Variants in SETBP1 observed in about 807,000 individuals in gnomAD.
The protein encoded by SETBP1 is SET-binding protein.
SETBP1 carries 9 observed loss-of-function variants against 101.0 expected under a neutral mutation model. That is an observed-to-expected ratio of 0.09 (90% CI 0.05 to 0.16). The LOEUF (loss-of-function observed/expected upper bound fraction) is 0.16, where lower values mean the gene tolerates loss of function less well. Ranked by LOEUF, SETBP1 falls within the 10% of genes least tolerant of loss-of-function variation. The probability of loss-of-function intolerance (pLI) is 1.00; values close to 1 mark genes in which losing one functional copy is unlikely to be tolerated. For missense variants in SETBP1, 1,858 were observed against 2,033.8 expected, an observed-to-expected ratio of 0.91 and a Z score of 1.66; for synonymous variants, 818 against 788.5, an observed-to-expected ratio of 1.04 and a Z score of -0.63.
chr18:44,734,768 G>A (rs1043330982), intron 2 of SETBP1, among the ~76,000 whole-genome samples: 1 of 152,090 alleles, frequency 6.6e-6, no homozygotes, highest in African/African-American at 2.4e-5. Context: ...TCCCTCCATT[G>A]TTACGTTTCT....
chr18:44,967,192 C>T lies in SETBP1; in HGVS notation c.4000+13852C>T, dbSNP rs188918023. Among the ~76,000 whole-genome samples, 13 of 152,228 alleles carry T rather than the reference C, an allele frequency of 8.5e-5. No individual in the cohort carries two copies. In the East Asian group the frequency reaches 2.3e-3, roughly 27 times the overall value. ...TGAAGATAAGGTGTCAGGATTATAC[C>T]GTTATGGTGGATAAGTAACAAAATA... is the stretch of plus-strand genomic sequence containing the variant. On this transcript the variant is annotated intron_variant, in intron 4 of 5. Transcript: ENST00000649279.
At chr18:44,959,955 A>G (rs2071574726) in intron 4 of SETBP1, among the ~76,000 whole-genome samples, 1 of 152,200 alleles carries the variant, frequency 6.6e-6, no homozygotes, top group South Asian at 2.1e-4. Context: ...TCCATCACCC[A>G]GGCTAGACTG....
At chr18:44,850,224 A>G (rs892167788) in intron 2 of SETBP1, among the ~76,000 whole-genome samples, 6 of 152,208 alleles carry the variant, frequency 3.9e-5, no homozygotes, top group African/African-American at 1.4e-4. Context: ...TTAAAAATGC[A>G]TACAACTCAC....
intron 2 of SETBP1, among the ~76,000 whole-genome samples, chr18:44,852,426 G>C (rs956924907): frequency 1.3e-5 from 2 of 152,148 alleles, no homozygotes; most frequent in Non-Finnish European, 2.9e-5. Flanking sequence ...CATGAAGCTG[G>C]GTGTGCAGCC....
At position 45,068,088 on chromosome 18, in the gene SETBP1, A is replaced by G. The variant is rs1012945301; in HGVS notation, c.*4390A>G. Reference sequence around the variant, plus strand: ...GCTGGCTAATTTTTAGTTTGTATTCATAAGTGGTTTTTAAAAGCCTTTTTT... The same window carrying G: ...GCTGGCTAATTTTTAGTTTGTATTCGTAAGTGGTTTTTAAAAGCCTTTTTT... On this transcript the variant is annotated 3_prime_UTR_variant, in exon 6 of 6. Coordinates refer to ENST00000649279, the MANE Select transcript of SETBP1 (RefSeq NM_015559.3). The G allele has an allele frequency of 6.6e-6, 1 of 152,214 alleles. No homozygotes were observed. Among genetic ancestry groups the G allele is most frequent in the Non-Finnish European group, 1.5e-5 (1 of 68,034 alleles). The allele number at this position is 152,214 out of a possible 1,614,324, so 9.4% of individuals were successfully genotyped here. A position where few individuals can be genotyped will look rare whatever the true frequency, so the allele number is the denominator to read the frequency against.
At chr18:44,910,101 G>A (rs764935240) in intron 3 of SETBP1, among the ~76,000 whole-genome samples, 16 of 152,312 alleles carry the variant, frequency 1.1e-4, no homozygotes, top group Non-Finnish European at 1.6e-4. Context: ...ACTGCCCGCC[G>A]TCTGGGTTAC....
chr18:44,823,600 C>T (rs1181587531), intron 2 of SETBP1, among the ~76,000 whole-genome samples: 2 of 152,192 alleles, frequency 1.3e-5, no homozygotes, highest in African/African-American at 2.4e-5. Context: ...TATTCTAGAA[C>T]AGGACTTATG....
At chr18:45,019,475 T>C (rs961259352) in intron 4 of SETBP1, among the ~76,000 whole-genome samples, 1 of 152,234 alleles carries the variant, frequency 6.6e-6, no homozygotes, top group East Asian at 1.9e-4. Flanking sequence ...GTAATTTTTT[T>C]AAATCTCTTT....
intron 3 of SETBP1, among the ~76,000 whole-genome samples, chr18:44,892,775 G>A (rs1487557771): frequency 6.6e-6 from 1 of 152,070 alleles, no homozygotes; most frequent in East Asian, 1.9e-4. Context: ...CCATTTGAAA[G>A]CAGTTATCAG....
At chr18:44,938,854 T>C (rs1340418367) in intron 3 of SETBP1, among the ~76,000 whole-genome samples, 2 of 151,516 alleles carry the variant, frequency 1.3e-5, no homozygotes, top group African/African-American at 4.9e-5. Context: ...GAGGGGAGAG[T>C]GAGGATCTGG....
chr18:45,018,951 C>T (rs1308203728), intron 4 of SETBP1, among the ~76,000 whole-genome samples: 1 of 152,166 alleles, frequency 6.6e-6, no homozygotes, highest in East Asian at 1.9e-4. Context: ...AGAGGAGGCA[C>T]TGATCCAGAG....
intron 4 of SETBP1, among the ~76,000 whole-genome samples, chr18:44,967,131 G>T (rs1000300937): frequency 6.6e-6 from 1 of 152,224 alleles, no homozygotes; most frequent in Non-Finnish European, 1.5e-5. Flanking sequence ...CACAGGGAAA[G>T]GCAGAAATTA....
chr18:44,800,361 C>T (rs969259845), intron 2 of SETBP1, among the ~76,000 whole-genome samples: 3 of 152,104 alleles, frequency 2.0e-5, no homozygotes, highest in Non-Finnish European at 4.4e-5. Context: ...ATGAAAAAAG[C>T]AGGGATTTAT....
At chr18:44,752,417 C>T (rs538670342) in intron 2 of SETBP1, among the ~76,000 whole-genome samples, 9 of 152,126 alleles carry the variant, frequency 5.9e-5, no homozygotes, top group Non-Finnish European at 1.0e-4. Flanking sequence ...GCAACAGGAA[C>T]GCTTCAAGGA....
chr18:44,913,675 T>C (rs1250592508), intron 3 of SETBP1, among the ~76,000 whole-genome samples: 1 of 152,218 alleles, frequency 6.6e-6, no homozygotes, highest in Admixed American at 6.5e-5. Context: ...CGGTCCAAAC[T>C]GAAGCCTCCT....
At chr18:44,754,347 G>A (rs1349050645) in intron 2 of SETBP1, among the ~76,000 whole-genome samples, 2 of 152,306 alleles carry the variant, frequency 1.3e-5, no homozygotes, top group Admixed American at 6.5e-5. Flanking sequence ...TTCTTAGGCT[G>A]TGTTTATGAG....
chr18:44,688,400 A>G (rs2068872236), intron 1 of SETBP1, among the ~76,000 whole-genome samples: 2 of 152,142 alleles, frequency 1.3e-5, no homozygotes, highest in South Asian at 4.2e-4. Flanking sequence ...GACTAATGAA[A>G]TCTGCGTGGC....
rs144873090 is a variant in SETBP1, at chr18:44,932,673, C to T, written c.541-17208C>T. ...TTTTTTTTCTCTAAACTTCTCTTCTCGCTTCATTTCATTTATTTGATCTTC... is the reference window on the plus strand; with the variant it reads ...TTTTTTTTCTCTAAACTTCTCTTCTTGCTTCATTTCATTTATTTGATCTTC... On this transcript the variant is annotated intron_variant, in intron 3 of 5. Coordinates refer to ENST00000649279, the MANE Select transcript of SETBP1 (RefSeq NM_015559.3). Among the ~76,000 whole-genome samples the T allele has an allele frequency of 7.5e-4, 114 of 152,256 alleles. 2 individuals carry two copies. The East Asian group carries it at 0.012, about 16-fold the overall frequency.
intron 2 of SETBP1, among the ~76,000 whole-genome samples, chr18:44,763,552 C>G (rs997193790): frequency 6.6e-6 from 1 of 152,168 alleles, no homozygotes. Flanking sequence ...TATTGACTCT[C>G]TAAACTCCCA....
Sources: gnomAD v4.1 joint callset for allele counts (sites outside exome capture counted in the v4.1 genomes callset) on GRCh38, gnomAD v4.1.1 for gene constraint, MANE v1.5 for transcripts, NCBI Gene and HGNC (gene_info 2026-07-23, HGNC 2026-07-21) for gene names.